The following ADAM12 variants were observed in gnomAD, a reference collection of about 807,000 sequenced individuals.
The protein encoded by ADAM12 is ADAM metallopeptidase domain 12.
In ADAM12, 70 loss-of-function variants were observed where a neutral mutation model predicts 106.4. That is an observed-to-expected ratio of 0.66 (90% confidence interval 0.54 to 0.80). The LOEUF is 0.80. Among genes scored for constraint, ADAM12 ranks in the 30% least tolerant of loss-of-function variants. ADAM12 has a pLI of 0.00. For missense variants in ADAM12, 1,010 were observed against 1,171.9 expected (o/e 0.86, Z 2.02); for synonymous variants, 420 against 433.5 (o/e 0.97, Z 0.39).
intron 1 of ADAM12, among the ~76,000 whole-genome samples, chr10:126,350,758 G>A (rs568434858): frequency 3.7e-4 from 57 of 152,230 alleles, no homozygotes; most frequent in Non-Finnish European, 6.3e-4. Flanking sequence ...ATTCTACTGA[G>A]CAGGGGATAG....
chr10:126,154,956 A>T (rs531821707), intron 4 of ADAM12, among the ~76,000 whole-genome samples: 1 of 152,298 alleles, frequency 6.6e-6, no homozygotes, highest in South Asian at 2.1e-4. Flanking sequence ...GATTTGCCCA[A>T]ATGAGGATCC....
At chr10:126,147,675 C>G (rs1956654710) in intron 4 of ADAM12, among the ~76,000 whole-genome samples, 1 of 152,232 alleles carries the variant, frequency 6.6e-6, no homozygotes, top group South Asian at 2.1e-4. Context: ...CCCCATAAAG[C>G]CTTCCATGAT....
intron 3 of ADAM12, among the ~76,000 whole-genome samples, chr10:126,169,877 C>T (rs930302203): frequency 7.2e-5 from 11 of 152,216 alleles, no homozygotes; most frequent in Admixed American, 2.0e-4. Flanking sequence ...CTGGTGTATG[C>T]GTGTCCCCTC....
In ADAM12 at chr10:126,388,357, T is replaced by TGC. The variant is rs142488050; in HGVS notation, c.-214_-213dup. On this transcript the variant is annotated 5_prime_UTR_variant, in exon 1 of 23. Transcript: ENST00000448723. This position sits in a 1 kb window ranked among gnomAD's most constrained non-coding sequence, Gnocchi z 4.4. ...GTTTCCCCCCGTGTGTGTGCGTGCG[T>TGC]GCGCGCGCGCGCGCCGTTCTGGCAC... is the stretch of plus-strand genomic sequence containing the variant. 2.6e-5 allele frequency: 17 copies of TGC among 643,956 alleles called. No individual in the cohort carries two copies. The Admixed American group carries it at 6.3e-4, about 24-fold the overall frequency. The allele number at this position is 643,956 out of a possible 1,614,324, so 39.9% of individuals were successfully genotyped here.
intron 3 of ADAM12, among the ~76,000 whole-genome samples, chr10:126,193,494 G>A (rs949698106): frequency 2.4e-4 from 37 of 152,214 alleles, no homozygotes; most frequent in African/African-American, 8.7e-4. Flanking sequence ...TTATTGTGTG[G>A]TTTAAACTGG....
At chr10:126,345,341 T>C (rs1256562624) in intron 1 of ADAM12, among the ~76,000 whole-genome samples, 3 of 152,246 alleles carry the variant, frequency 2.0e-5, no homozygotes, top group Admixed American at 6.5e-5. Context: ...GATTTGCGTA[T>C]GTTGAACCAG....
chr10:126,238,138 C>T (rs759534048), intron 3 of ADAM12, among the ~76,000 whole-genome samples: 4 of 152,160 alleles, frequency 2.6e-5, no homozygotes, highest in Non-Finnish European at 5.9e-5. Context: ...GGAGTACATA[C>T]ATTGCGTAAA....
intron 1 of ADAM12, among the ~76,000 whole-genome samples, chr10:126,372,092 T>C (rs1348679138): frequency 6.6e-6 from 1 of 152,136 alleles, no homozygotes; most frequent in African/African-American, 2.4e-5. Flanking sequence ...AGATTTAAGG[T>C]AGGAGAAAAA....
intron 1 of ADAM12, among the ~76,000 whole-genome samples, chr10:126,369,395 A>G (rs765405890): frequency 6.6e-6 from 1 of 152,196 alleles, no homozygotes; most frequent in Non-Finnish European, 1.5e-5. Flanking sequence ...TTAGAATGTG[A>G]TAAGTGCTCT....
At chr10:126,101,367 T>C in intron 8 of ADAM12, 126 bp from the exon 9 acceptor site, 1 of 916,832 alleles carries the variant, frequency 1.1e-6, no homozygotes, top group Non-Finnish European at 1.7e-6. Context: ...ATCTCTGTGC[T>C]CTTTGGTTCC....
At chr10:126,224,178 G>C (rs1428156212) in intron 3 of ADAM12, among the ~76,000 whole-genome samples, 1 of 152,040 alleles carries the variant, frequency 6.6e-6, no homozygotes, top group Non-Finnish European at 1.5e-5. Context: ...GGGGAGCCCA[G>C]AGAGGGCCTG....
At chr10:126,347,261 T>C (rs1855177917) in intron 1 of ADAM12, among the ~76,000 whole-genome samples, 1 of 152,204 alleles carries the variant, frequency 6.6e-6, no homozygotes, top group Non-Finnish European at 1.5e-5. Flanking sequence ...TAAAGGATTT[T>C]ATTTCTCCTT....
intron 9 of ADAM12, among the ~76,000 whole-genome samples, chr10:126,099,935 G>A (rs1411673829): frequency 6.6e-6 from 1 of 151,800 alleles, no homozygotes; most frequent in African/African-American, 2.4e-5. Flanking sequence ...ATAAAAATTT[G>A]TCACTTCTAG....
intron 1 of ADAM12, among the ~76,000 whole-genome samples, chr10:126,340,692 T>C (rs996904724): frequency 1.3e-5 from 2 of 150,932 alleles, no homozygotes; most frequent in Non-Finnish European, 2.9e-5. Context: ...CCCTTAATAG[T>C]GCTCAGCTAT....
intron 3 of ADAM12, among the ~76,000 whole-genome samples, chr10:126,275,042 C>T (rs894785769): frequency 2.0e-5 from 3 of 152,170 alleles, no homozygotes; most frequent in Non-Finnish European, 2.9e-5. Context: ...CCCAGAGATA[C>T]CCCAAACATA....
In ADAM12 at chr10:126,038,398, C is replaced by CTGACT. The variant is rs747438930; in HGVS notation, c.2241-54_2241-50dup. 1.5e-5 allele frequency: 22 copies of CTGACT among 1,424,746 alleles called. No individual in the cohort carries two copies. The African/African-American group carries it at 2.4e-4, about 16-fold the overall frequency. The allele number at this position is 1,424,746 out of a possible 1,614,324, so 88.3% of individuals were successfully genotyped here. ...TGACCAAGCGTGTTTCCCCTTCTCA[C>CTGACT]TGACTTGACTTTTTACACTTTGCTC... On this transcript the variant is annotated intron_variant, in intron 19 of 22. Coordinates refer to ENST00000448723, the MANE Select transcript of ADAM12 (RefSeq NM_001288973.2).
At chr10:126,265,408 T>C (rs1282095916) in intron 3 of ADAM12, among the ~76,000 whole-genome samples, 1 of 152,208 alleles carries the variant, frequency 6.6e-6, no homozygotes, top group Non-Finnish European at 1.5e-5. Context: ...GCACTGATTG[T>C]TAATGGCCAC....
chr10:126,202,007 G>A (rs1015820587), intron 3 of ADAM12, among the ~76,000 whole-genome samples: 2 of 152,198 alleles, frequency 1.3e-5, no homozygotes, highest in Non-Finnish European at 2.9e-5. Flanking sequence ...CTCGTCCAGT[G>A]GAAAGGCTCT....
intron 3 of ADAM12, among the ~76,000 whole-genome samples, chr10:126,231,292 GCTTT>G (rs1958305223): frequency 6.6e-6 from 1 of 151,720 alleles, no homozygotes; most frequent in Non-Finnish European, 1.5e-5. Context: ...GGAACATTTG[GCTTT>G]CTTTTTCCAG....
Sources: allele counts gnomAD v4.1 joint callset (sites outside exome capture counted in the v4.1 genomes callset), GRCh38; gene constraint gnomAD v4.1.1; non-coding constraint Gnocchi (gnomAD v3.1); transcripts MANE v1.5; gene names NCBI Gene and HGNC (gene_info 2026-07-23, HGNC 2026-07-21).